Variants in RAF1 observed in about 807,000 individuals in gnomAD.
RAF1 encodes Raf-1 proto-oncogene, serine/threonine kinase.
RAF1 carries 27 observed loss-of-function variants against 81.1 expected under a neutral mutation model. The observed-to-expected ratio is 0.33, with a 90% CI of 0.25 to 0.46. RAF1 has a LOEUF of 0.46. Among genes scored for constraint, RAF1 ranks in the 20% least tolerant of loss-of-function variants. RAF1 has a pLI of 1.00. For synonymous variants in RAF1, 298 were observed against 294.0 expected, an observed-to-expected ratio of 1.01 and a Z score of -0.14; for missense variants, 598 against 826.0, an observed-to-expected ratio of 0.72 and a Z score of 3.38.
At chr3:12,612,098 G>C (rs748430835) in intron 2 of RAF1, 36 bp from the exon 3 acceptor site, 1 of 1,527,192 alleles carries the variant, frequency 6.5e-7, no homozygotes, top group South Asian at 1.1e-5. Flanking sequence ...ACCAACACAG[G>C]CTGCAGCACC....
At position 12,584,166 on chromosome 3, in the gene RAF1, A is replaced by G. The variant is rs5746247; in HGVS notation, c.*348T>C. 2,886 of 406,188 alleles carry G rather than the reference A, an allele frequency of 7.1e-3. 65 individuals are homozygous for G. The highest frequency in any genetic ancestry group is 0.047 in the African/African-American group (2,392 of 50,786). 25.2% of individuals were successfully genotyped at this position (406,188 alleles called of 1,614,324 possible). A position where few individuals can be genotyped will look rare whatever the true frequency, so the allele number is the denominator to read the frequency against. ...CCACATCAGGGCTGGACTGCCTGCT[A>G]CCTTACTTCCTCTAAATACTCATGT... is the stretch of plus-strand genomic sequence containing the variant. On this transcript the variant is annotated 3_prime_UTR_variant, in exon 18 of 18. Coordinates refer to ENST00000442415, the MANE Select transcript of RAF1 (RefSeq NM_001354689.3).
chr3:12,626,969 A>G (rs1168935328), intron 1 of RAF1, among the ~76,000 whole-genome samples: 5 of 150,126 alleles, frequency 3.3e-5, no homozygotes, highest in Admixed American at 2.0e-4. Context: ...GGTTATAGTC[A>G]GCCAAAACTG....
At chr3:12,632,137 C>CAA (rs141162125) in intron 1 of RAF1, among the ~76,000 whole-genome samples, 1 of 41,462 alleles carries the variant, frequency 2.4e-5, no homozygotes, top group African/African-American at 2.8e-4. Context: ...ACCAGCCTGG[C>CAA]CCATGGTGAA....
intron 1 of RAF1, among the ~76,000 whole-genome samples, chr3:12,644,301 A>T (rs1221002301): frequency 6.6e-6 from 1 of 152,200 alleles, no homozygotes; most frequent in Non-Finnish European, 1.5e-5. Flanking sequence ...CTGAGGCATA[A>T]ATGTTTCAGT....
In RAF1 at chr3:12,641,488, T is replaced by G. The variant is rs544812782; in HGVS notation, c.-27+22325A>C. The stretch of plus-strand genomic sequence containing the variant: ...GTCCCCCCCAAAAAAAAATGTTTTT[T>G]GGTTTTTTTTTTTTTTTTTTTGAAA... On this transcript the variant is annotated intron_variant, in intron 1 of 17. Coordinates refer to ENST00000442415, the MANE Select transcript of RAF1 (RefSeq NM_001354689.3). 1.9e-3 allele frequency among the ~76,000 whole-genome samples: 273 copies of G among 145,372 alleles called. 1 individual carries two copies. The highest frequency in any genetic ancestry group is 6.2e-3 in the African/African-American group (240 of 38,596).
At chr3:12,596,121 A>C (rs1370931061) in intron 11 of RAF1, among the ~76,000 whole-genome samples, 1 of 150,126 alleles carries the variant, frequency 6.7e-6, no homozygotes, top group African/African-American at 2.4e-5. Context: ...GATCCTCCCA[A>C]CTCAGCCTCC....
chr3:12,586,594 T>C lies in RAF1; in HGVS notation c.1478-795A>G, dbSNP rs5746236. On this transcript the variant is annotated intron_variant, in intron 14 of 17. Coordinates refer to ENST00000442415, the MANE Select transcript of RAF1 (RefSeq NM_001354689.3). ...AGACATGTACCTAAAATAGGCCATG[T>C]CCCATAATCCAACACAACTATCATG... 8.5e-4 allele frequency among the ~76,000 whole-genome samples: 130 copies of C among 152,242 alleles called. 2 individuals carry two copies. The East Asian group carries it at 0.023, about 27-fold the overall frequency.
intron 11 of RAF1, among the ~76,000 whole-genome samples, chr3:12,594,173 G>A (rs530702504): frequency 6.6e-6 from 1 of 152,254 alleles, no homozygotes; most frequent in South Asian, 2.1e-4. Flanking sequence ...AAGAAGAATG[G>A]TTGACTGTGG....
chr3:12,663,195 A>G (rs1200342400), intron 1 of RAF1, among the ~76,000 whole-genome samples: 1 of 152,164 alleles, frequency 6.6e-6, no homozygotes, highest in Non-Finnish European at 1.5e-5. Flanking sequence ...CTCGCGTCAC[A>G]CAAAAGACAG....
Position 12,618,825 on chromosome 3 carries a change from T to C in RAF1, c.-26-78A>G, listed in dbSNP as rs559779120. 2.5e-4 allele frequency: 295 copies of C among 1,165,086 alleles called. 3 individuals carry two copies. The South Asian group carries it at 3.6e-3, about 14-fold the overall frequency. The allele number at this position is 1,165,086 out of a possible 1,614,324, so 72.2% of individuals were successfully genotyped here. A position where few individuals can be genotyped will look rare whatever the true frequency, so the allele number is the denominator to read the frequency against. On this transcript the variant is annotated intron_variant, in intron 1 of 17. Coordinates refer to ENST00000442415, the MANE Select transcript of RAF1 (RefSeq NM_001354689.3). ...GAACACAATACATAAAGAGTAATTA[T>C]GAAAATAGCACTATGTGGGTTTTTA... is the stretch of plus-strand genomic sequence containing the variant.
chr3:12,642,887 A>AG lies in RAF1; in HGVS notation c.-27+20925dup, dbSNP rs1334321595. Among the ~76,000 whole-genome samples the AG allele has an allele frequency of 3.3e-5, 5 of 151,320 alleles. No homozygotes were observed. In the South Asian group the frequency reaches 1.0e-3, roughly 32 times the overall value. ...GGGTGATACAGCAAGACTCTGTCTC[A>AG]GAAAAAAAAAAAAGAAAAAAGTCAA... On this transcript the variant is annotated intron_variant, in intron 1 of 17. Transcript: ENST00000442415.
intron 1 of RAF1, among the ~76,000 whole-genome samples, chr3:12,635,972 CAA>C (rs989931764): frequency 4.6e-5 from 6 of 130,576 alleles, no homozygotes; most frequent in African/African-American, 1.4e-4. Flanking sequence ...GACTCCACCT[CAA>C]AAAAAAAAAC....
chr3:12,611,465 T>G (rs2059204618), intron 3 of RAF1, among the ~76,000 whole-genome samples: 1 of 152,202 alleles, frequency 6.6e-6, no homozygotes, highest in Admixed American at 6.5e-5. Context: ...GCAACCCTCT[T>G]GCCTCAGTTT....
chr3:12,642,382 G>A (rs1478040295), intron 1 of RAF1, among the ~76,000 whole-genome samples: 1 of 150,790 alleles, frequency 6.6e-6, no homozygotes, highest in Non-Finnish European at 1.5e-5. Context: ...AGTGGCAGGC[G>A]CTTGTAATCC....
chr3:12,634,716 G>A (rs1352117118), intron 1 of RAF1, among the ~76,000 whole-genome samples: 1 of 152,108 alleles, frequency 6.6e-6, no homozygotes, highest in African/African-American at 2.4e-5. Context: ...GTGGTTGGAG[G>A]AAGAGCAGAG....
chr3:12,585,294 T>A (rs773827999), intron 15 of RAF1, 41 bp from the exon 15 acceptor site: 1 of 1,612,284 alleles, frequency 6.2e-7, no homozygotes, highest in Non-Finnish European at 8.5e-7. Flanking sequence ...TTTATCACCA[T>A]ATGACAGGCC....
rs2060559900 is a variant in RAF1, at chr3:12,652,376, C to T, written c.-27+11437G>A. On this transcript the variant is annotated intron_variant, in intron 1 of 17. Coordinates refer to ENST00000442415, the MANE Select transcript of RAF1 (RefSeq NM_001354689.3). The stretch of plus-strand genomic sequence containing the variant: ...TCTCTACTAAAAATACAAAAATTAA[C>T]TGGGCATGGTGGCCGGTGCCTGTAA... 2.0e-5 allele frequency among the ~76,000 whole-genome samples: 3 copies of T among 151,508 alleles called. No individual in the cohort carries two copies. The South Asian group carries it at 6.3e-4, about 32-fold the overall frequency.
chr3:12,640,479 G>A (rs1226188954), intron 1 of RAF1, among the ~76,000 whole-genome samples: 1 of 151,852 alleles, frequency 6.6e-6, no homozygotes, highest in Admixed American at 6.6e-5. Context: ...TCTGACAAAG[G>A]GCTAATATCT....
rs536968068 is a variant in RAF1 at position 12,627,642 on chromosome 3, C to T, written c.-26-8895G>A. ...ATTATTTCTGAGGGTGGTAGGTTCC[C>T]TAGGTTCACCAAAAAAAAATTGCCT... is the stretch of plus-strand genomic sequence containing the variant. On this transcript the variant is annotated intron_variant, in intron 1 of 17. Transcript: ENST00000442415. 8.5e-5 allele frequency among the ~76,000 whole-genome samples: 13 copies of T among 152,154 alleles called. No individual in the cohort carries two copies. The South Asian group carries it at 2.7e-3, about 32-fold the overall frequency.
Sources: allele counts gnomAD v4.1 joint callset (sites outside exome capture counted in the v4.1 genomes callset), GRCh38; gene constraint gnomAD v4.1.1; transcripts MANE v1.5; gene names NCBI Gene and HGNC (gene_info 2026-07-23, HGNC 2026-07-21).